The following RALGPS2 variants were observed in gnomAD, a reference collection of about 807,000 sequenced individuals.
The protein encoded by RALGPS2 is Ral GEF with PH domain and SH3 binding motif 2, also known as ras-specific guanine nucleotide-releasing factor RalGPS2.
Under a neutral mutation model 86.8 loss-of-function variants are expected in RALGPS2, and 43 were observed. The ratio of observed to expected loss-of-function variants is 0.50; its 90% CI spans 0.39 to 0.64. RALGPS2 has a LOEUF of 0.64. RALGPS2 is among the 30% of genes least tolerant of loss of function. The probability of loss-of-function intolerance (pLI) is 0.00; values close to 1 mark genes in which losing one functional copy is unlikely to be tolerated. For synonymous variants in RALGPS2, 243 were observed against 231.3 expected, an observed-to-expected ratio of 1.05 and a Z score of -0.46; for missense variants, 536 against 694.6, an observed-to-expected ratio of 0.77 and a Z score of 2.57.
intron 1 of RALGPS2, among the ~76,000 whole-genome samples, chr1:178,774,868 C>T (rs1189251765): frequency 2.0e-5 from 3 of 150,446 alleles, no homozygotes; most frequent in African/African-American, 7.3e-5. Flanking sequence ...AGGCTGCTAT[C>T]ATTAGTAATA....
chr1:178,817,334 C>G, intron 6 of RALGPS2, among the ~76,000 whole-genome samples: 1 of 117,396 alleles, frequency 8.5e-6, no homozygotes, highest in Non-Finnish European at 1.6e-5. Context: ...GACAGAGACT[C>G]TGTCTCAATT....
chr1:178,742,673 A>G (rs1458950936), intron 1 of RALGPS2, among the ~76,000 whole-genome samples: 1 of 152,218 alleles, frequency 6.6e-6, no homozygotes, highest in Non-Finnish European at 1.5e-5. Context: ...TCAAATGTCT[A>G]CAGAACATTT....
intron 17 of RALGPS2, among the ~76,000 whole-genome samples, chr1:178,901,414 C>T (rs1193821218): frequency 6.6e-6 from 1 of 151,972 alleles, no homozygotes; most frequent in East Asian, 1.9e-4. Context: ...GATTTTTAAA[C>T]AATACCTGAA....
rs1660011680 is a variant in RALGPS2 at position 178,897,774 on chromosome 1, A to G, written c.1524+18A>G. On this transcript the variant is annotated intron_variant, in intron 17 of 19. Transcript: ENST00000367635. The stretch of plus-strand genomic sequence containing the variant: ...GAAAACATGTAAGTATTTGTTCTCT[A>G]CATTTTTAGCGTGGTTTCCCAGACT... 1.9e-6 allele frequency: 3 copies of G among 1,592,232 alleles called. No individual in the cohort carries two copies. The highest frequency in any genetic ancestry group is 1.3e-5 in the African/African-American group (1 of 74,342).
chr1:178,874,096 G>A (rs140585947), intron 8 of RALGPS2, among the ~76,000 whole-genome samples: 5 of 152,180 alleles, frequency 3.3e-5, no homozygotes, highest in African/African-American at 9.6e-5. Flanking sequence ...ATAGGCAAAA[G>A]TAGGAATACA....
intron 19 of RALGPS2, among the ~76,000 whole-genome samples, chr1:178,907,325 G>A (rs890288560): frequency 6.6e-6 from 1 of 152,194 alleles, no homozygotes; most frequent in Non-Finnish European, 1.5e-5. Flanking sequence ...AGCTAGTATA[G>A]TAGTCAGAGT....
intron 8 of RALGPS2, among the ~76,000 whole-genome samples, chr1:178,843,655 A>T (rs1051800606): frequency 6.7e-5 from 9 of 135,038 alleles, no homozygotes; most frequent in African/African-American, 1.9e-4. Context: ...AAGTATAATT[A>T]AAAAAAAAAA....
At chr1:178,769,754 A>G (rs1360379772) in intron 1 of RALGPS2, among the ~76,000 whole-genome samples, 13 of 152,198 alleles carry the variant, frequency 8.5e-5, no homozygotes, top group African/African-American at 3.1e-4. Flanking sequence ...CACGCATCCA[A>G]GGCCTGCAGT....
rs1339333867 is a variant in RALGPS2 at position 178,865,454 on chromosome 1, A to G, written c.608-12044A>G. 1.9e-6 allele frequency: 3 copies of G among 1,614,024 alleles called. No individual in the cohort carries two copies. Among genetic ancestry groups the G allele is most frequent in the East Asian group, 2.2e-5 (1 of 44,874 alleles). ...TACCTCATTCACAATGTTTCCATCT[A>G]CATCCACCACCAGTTGCAGAACATC... On this transcript the variant is annotated intron_variant, in intron 8 of 19. Coordinates refer to ENST00000367635, the MANE Select transcript of RALGPS2 (RefSeq NM_152663.5).
chr1:178,820,921 A>G (rs1403082264), intron 6 of RALGPS2, among the ~76,000 whole-genome samples: 2 of 152,316 alleles, frequency 1.3e-5, no homozygotes, highest in South Asian at 2.1e-4. Context: ...CAGTTGTAAA[A>G]TGACTGATTT....
chr1:178,894,254 C>G (rs946176886), intron 16 of RALGPS2: 16 of 334,944 alleles, frequency 4.8e-5, no homozygotes, highest in African/African-American at 3.2e-4. Flanking sequence ...GAACATGTTT[C>G]TGTTCATGTC....
At chr1:178,776,892 T>C in intron 2 of RALGPS2, 71 bp downstream of exon 2, 1 of 1,242,116 alleles carries the variant, frequency 8.1e-7, no homozygotes. Context: ...ATTATGTTTG[T>C]TCACATACTT....
intron 6 of RALGPS2, among the ~76,000 whole-genome samples, chr1:178,814,680 G>T (rs1655144584): frequency 6.6e-6 from 1 of 151,968 alleles, no homozygotes; most frequent in Non-Finnish European, 1.5e-5. Flanking sequence ...GAACTCCTGT[G>T]CTCAAGTGAT....
At chr1:178,789,122 G>A (rs896136876) in intron 4 of RALGPS2, among the ~76,000 whole-genome samples, 1 of 152,114 alleles carries the variant, frequency 6.6e-6, no homozygotes. Context: ...GGCCAGGCTT[G>A]TCTCAAACTC....
Position 178,799,372 on chromosome 1 carries a change from G to GA in RALGPS2, c.214-8663dup, listed in dbSNP as rs374916018. ...ATACAGATGAAAGTGTCCTACTCTG[G>GA]AAAAAAAAAATGCCACAAAGGACAT... On this transcript the variant is annotated intron_variant, in intron 4 of 19. Transcript: ENST00000367635. Among the ~76,000 whole-genome samples, 600 of 149,560 alleles carry GA rather than the reference G, an allele frequency of 4.0e-3. 6 individuals carry two copies. Among genetic ancestry groups the GA allele is most frequent in the African/African-American group, 0.012 (507 of 40,566 alleles).
chr1:178,900,603 T>G (rs1660131209), intron 17 of RALGPS2, among the ~76,000 whole-genome samples: 1 of 152,030 alleles, frequency 6.6e-6, no homozygotes, highest in African/African-American at 2.4e-5. Flanking sequence ...AGAATATTTC[T>G]ATAATATTTA....
intron 7 of RALGPS2, among the ~76,000 whole-genome samples, 180 bp downstream of exon 7, chr1:178,821,884 T>A (rs1193068536): frequency 6.6e-6 from 1 of 152,204 alleles, no homozygotes; most frequent in Non-Finnish European, 1.5e-5. Flanking sequence ...GCACTGGGTA[T>A]AAGGTAATTT....
chr1:178,887,814 G>A (rs1425097707), intron 13 of RALGPS2, among the ~76,000 whole-genome samples: 2 of 152,118 alleles, frequency 1.3e-5, no homozygotes, highest in African/African-American at 4.8e-5. Flanking sequence ...TCTTATCAAT[G>A]TTCTAAGTTG....
intron 8 of RALGPS2, among the ~76,000 whole-genome samples, chr1:178,843,095 C>T (rs1179823600): frequency 8.6e-4 from 128 of 148,114 alleles, no homozygotes; most frequent in African/African-American, 3.1e-3. Flanking sequence ...GTCAGTGTGG[C>T]GATTCCTCAG....
Sources: allele counts gnomAD v4.1 joint callset (sites outside exome capture counted in the v4.1 genomes callset), GRCh38; gene constraint gnomAD v4.1.1; transcripts MANE v1.5; gene names NCBI Gene and HGNC (gene_info 2026-07-23, HGNC 2026-07-21).